The following ERCC6L2 variants were observed in gnomAD, a reference collection of about 807,000 sequenced individuals.
ERCC6L2 encodes the protein DNA excision repair protein ERCC-6-like 2.
A neutral mutation model predicts 132.0 loss-of-function variants in ERCC6L2; 77 were observed. The ratio of observed to expected loss-of-function variants is 0.58; its 90% confidence interval spans 0.49 to 0.71. The LOEUF (loss-of-function observed/expected upper bound fraction) is 0.71, where lower values mean the gene tolerates loss of function less well. Ranked by LOEUF, ERCC6L2 falls within the 30% of genes least tolerant of loss-of-function variation. The pLI is 0.00. For synonymous variants in ERCC6L2, 583 were observed against 632.4 expected, an observed-to-expected ratio of 0.92 and a Z score of 1.17; for missense variants, 1,542 against 1,837.6, an observed-to-expected ratio of 0.84 and a Z score of 2.94.
Position 95,977,970 on chromosome 9 carries a change from C to G in ERCC6L2, c.3338-91C>G, listed in dbSNP as rs200496211. Reference sequence around the variant, plus strand: ...AGAATATTGTGATGTTGATGTTTCTCTTGAGTATTAAAAATAAGAATAATG... The same window carrying G: ...AGAATATTGTGATGTTGATGTTTCTGTTGAGTATTAAAAATAAGAATAATG... On this transcript the variant is annotated intron_variant, in intron 16 of 18. Transcript: ENST00000653738. The G allele has an allele frequency of 4.9e-6, 4 of 817,106 alleles. No individual in the cohort carries two copies. The East Asian group carries it at 2.1e-4, about 43-fold the overall frequency. The allele number at this position is 817,106 out of a possible 1,614,324, so 50.6% of individuals were successfully genotyped here.
chr9:95,991,523 T>A (rs892188250), intron 17 of ERCC6L2, among the ~76,000 whole-genome samples: 1 of 152,174 alleles, frequency 6.6e-6, no homozygotes, highest in Non-Finnish European at 1.5e-5. Context: ...GACTGGTTAT[T>A]CAGACTTGGG....
intron 17 of ERCC6L2, among the ~76,000 whole-genome samples, chr9:95,998,958 T>G (rs924988969): frequency 5.3e-5 from 8 of 152,230 alleles, no homozygotes; most frequent in African/African-American, 1.9e-4. Context: ...ACTATTTTGT[T>G]TCACAGCCTT....
intron 12 of ERCC6L2, among the ~76,000 whole-genome samples, chr9:95,946,173 T>C (rs1831054079): frequency 6.6e-6 from 1 of 152,182 alleles, no homozygotes; most frequent in Non-Finnish European, 1.5e-5. Flanking sequence ...AAAACTCTTA[T>C]ATATGATGAG....
intron 11 of ERCC6L2, among the ~76,000 whole-genome samples, chr9:95,931,051 G>T (rs753491400): frequency 6.6e-6 from 1 of 152,080 alleles, no homozygotes; most frequent in Non-Finnish European, 1.5e-5. Context: ...TTTAATGCAG[G>T]GGCAAGTAGT....
At position 96,012,534 on chromosome 9, in the gene ERCC6L2, C is replaced by T. The variant is rs1245120153; in HGVS notation, c.3984C>T (p.Ser1328=). 3.7e-6 allele frequency: 5 copies of T among 1,367,240 alleles called. No individual in the cohort carries two copies. The highest frequency in any genetic ancestry group is 4.9e-6 in the Non-Finnish European group (5 of 1,021,728). The allele number at this position is 1,367,240 out of a possible 1,614,324, so 84.7% of individuals were successfully genotyped here. A position where few individuals can be genotyped will look rare whatever the true frequency, so the allele number is the denominator to read the frequency against. ...CCAACAAAATTTCTCAAGTTTGCAG[C>T]CTAAAAACATATAAAAGAAAATCAG... is the stretch of plus-strand genomic sequence containing the variant. The part of the protein sequence containing the change: ...DSTNKISQVC[S]LKTYKRKSVK... Residue 1328 remains serine (S), a synonymous_variant, in exon 19 of 19, where the codon AGC becomes AGT. Transcript: ENST00000653738.
rs192487030 is a variant in ERCC6L2, at chr9:96,005,041, C to T, written c.3674+340C>T. ...AGTGTAAAAAAAGGACAGCAGGGTGCGGTGGCTCATGCTTGTAATCTCAGC... is the reference window on the plus strand; with the variant it reads ...AGTGTAAAAAAAGGACAGCAGGGTGTGGTGGCTCATGCTTGTAATCTCAGC... On this transcript the variant is annotated intron_variant, in intron 18 of 18. Transcript: ENST00000653738. Among the ~76,000 whole-genome samples, 9 of 152,274 alleles carry T rather than the reference C, an allele frequency of 5.9e-5. No homozygotes were observed. The East Asian group carries it at 7.7e-4, about 13-fold the overall frequency.
At chr9:95,879,921 T>C (rs1827499147) in intron 1 of ERCC6L2, among the ~76,000 whole-genome samples, 1 of 152,340 alleles carries the variant, frequency 6.6e-6, no homozygotes, top group East Asian at 1.9e-4. Flanking sequence ...TTTTGGATTC[T>C]TGCCATAAGA....
chr9:95,945,007 CATCTT>C (rs1445549783), intron 12 of ERCC6L2, among the ~76,000 whole-genome samples: 2 of 152,146 alleles, frequency 1.3e-5, no homozygotes, highest in African/African-American at 4.8e-5. Context: ...TCATTCATAA[CATCTT>C]ATCAGGAGAC....
intron 2 of ERCC6L2, 50 bp downstream of exon 2, chr9:95,881,343 G>A: frequency 7.5e-7 from 1 of 1,337,568 alleles, no homozygotes; most frequent in Non-Finnish European, 1.0e-6. Flanking sequence ...GTACATGAGT[G>A]GATACTATAT....
intron 2 of ERCC6L2, among the ~76,000 whole-genome samples, chr9:95,882,810 A>G (rs1292996024): frequency 6.6e-6 from 1 of 152,228 alleles, no homozygotes; most frequent in East Asian, 1.9e-4. Flanking sequence ...TAGTTTAGAC[A>G]TGCACACTGG....
intron 10 of ERCC6L2, 153 bp downstream of exon 10, chr9:95,928,303 G>T: frequency 2.0e-6 from 1 of 489,230 alleles, no homozygotes; most frequent in Non-Finnish European, 3.6e-6. Context: ...TTTTTAAACA[G>T]ACACTAAAAT....
chr9:95,923,471 G>A (rs1384526026), intron 9 of ERCC6L2, 92 bp downstream of exon 9: 2 of 1,430,384 alleles, frequency 1.4e-6, no homozygotes, highest in African/African-American at 2.8e-5. Flanking sequence ...CAGAACAGGT[G>A]CTCAGTCATT....
At chr9:95,915,318 G>A (rs981965571) in intron 4 of ERCC6L2, among the ~76,000 whole-genome samples, 3 of 152,010 alleles carry the variant, frequency 2.0e-5, no homozygotes, top group Non-Finnish European at 4.4e-5. Context: ...TTTTCATTCA[G>A]AAAAATATTG....
intron 17 of ERCC6L2, among the ~76,000 whole-genome samples, chr9:95,986,037 G>A (rs1833082638): frequency 6.6e-6 from 1 of 152,150 alleles, no homozygotes; most frequent in Non-Finnish European, 1.5e-5. Flanking sequence ...ACCTGTGTCT[G>A]CTGATTGAAC....
At position 95,928,318 on chromosome 9, in the gene ERCC6L2, A is replaced by C. The variant is rs138983335; in HGVS notation, c.1605+168A>C. 8.3e-6 allele frequency: 4 copies of C among 484,102 alleles called. No individual in the cohort carries two copies. In the East Asian group the frequency reaches 1.3e-4, roughly 15 times the overall value. 30.0% of individuals were successfully genotyped at this position (484,102 alleles called of 1,614,324 possible). ...TTTTTAAACAGACACTAAAATTTCA[A>C]TTGTTTCAGGGTTGCTAAATATCAA... On this transcript the variant is annotated intron_variant, in intron 10 of 18. Transcript: ENST00000653738.
At chr9:95,922,649 A>G (rs1829926970) in intron 8 of ERCC6L2, among the ~76,000 whole-genome samples, 2 of 152,290 alleles carry the variant, frequency 1.3e-5, no homozygotes, top group East Asian at 1.9e-4. Context: ...AATAATGTTC[A>G]TATCTTTATT....
chr9:96,041,007 C>T (rs73654823), intron 20 of ERCC6L2, among the ~76,000 whole-genome samples: 6,502 of 152,182 alleles, frequency 0.043, 475 homozygotes, highest in African/African-American at 0.15. Context: ...ATCTGGATGC[C>T]GCTGTAAACA....
Position 95,905,810 on chromosome 9 carries a change from T to C in ERCC6L2, c.595-1268T>C, listed in dbSNP as rs538655039. On this transcript the variant is annotated intron_variant, in intron 3 of 18. Transcript: ENST00000653738. ...GAGTTGACAAATGGCCTAGGTTAAA[T>C]GTTTCACAGAAAACAGAGCAGAATT... Among the ~76,000 whole-genome samples the C allele has an allele frequency of 7.9e-4, 120 of 152,318 alleles. 2 individuals carry two copies. The South Asian group carries it at 8.3e-3, about 11-fold the overall frequency.
chr9:95,914,545 G>C (rs762602810), intron 4 of ERCC6L2, among the ~76,000 whole-genome samples: 10 of 152,214 alleles, frequency 6.6e-5, no homozygotes, highest in Non-Finnish European at 8.8e-5. Flanking sequence ...GTAGAGACAA[G>C]ATTTCACCAT....
Sources: allele counts gnomAD v4.1 joint callset (sites outside exome capture counted in the v4.1 genomes callset), GRCh38; gene constraint gnomAD v4.1.1; transcripts MANE v1.5; gene names NCBI Gene and HGNC (gene_info 2026-07-23, HGNC 2026-07-21).